Variants in FEZ2 observed in about 807,000 individuals in gnomAD.
The protein encoded by FEZ2 is fasciculation and elongation protein zeta 2.
A neutral mutation model predicts 40.4 loss-of-function variants in FEZ2; 51 were observed. The observed-to-expected ratio is 1.26, with a 90% CI of 1.01 to 1.59. The LOEUF is 1.59. FEZ2 is among the 40% of genes most tolerant of loss of function. The pLI is 0.00. For synonymous variants in FEZ2, 242 were observed against 172.0 expected (o/e 1.41, Z -3.18); for missense variants, 640 against 438.3 (o/e 1.46, Z -4.11).
chr2:36,560,848 C>G (rs920549068), intron 5 of FEZ2: 1 of 1,609,882 alleles, frequency 6.2e-7, no homozygotes, highest in African/African-American at 1.3e-5. Flanking sequence ...CATTTGAGAT[C>G]CCTTCCATGC....
At chr2:36,581,003 T>C (rs1412857114) in intron 4 of FEZ2, among the ~76,000 whole-genome samples, 1 of 151,996 alleles carries the variant, frequency 6.6e-6, no homozygotes, top group Non-Finnish European at 1.5e-5. Context: ...AATGTAAAAA[T>C]TAGCCAGGCG....
At chr2:36,573,579 C>A (rs977608885) in intron 5 of FEZ2, among the ~76,000 whole-genome samples, 1 of 152,150 alleles carries the variant, frequency 6.6e-6, no homozygotes, top group Non-Finnish European at 1.5e-5. Context: ...AAGTGATGTG[C>A]GAAGAACAAG....
chr2:36,558,559 T>G, intron 5 of FEZ2, 46 bp from the exon 6 acceptor site: 1 of 1,177,018 alleles, frequency 8.5e-7, no homozygotes, highest in Non-Finnish European at 1.2e-6. Flanking sequence ...CGGAATTACC[T>G]TATCTGCAAA....
chr2:36,590,734 G>A (rs1368558922), intron 2 of FEZ2, 169 bp downstream of exon 2: 10 of 542,140 alleles, frequency 1.8e-5, no homozygotes, highest in Non-Finnish European at 3.0e-5. Context: ...GAATGTGCCA[G>A]CAAGGTGATG....
At chr2:36,596,339 G>A (rs545010535) in intron 1 of FEZ2, among the ~76,000 whole-genome samples, 1 of 152,168 alleles carries the variant, frequency 6.6e-6, no homozygotes, top group Non-Finnish European at 1.5e-5. Context: ...CAAAGGAAAG[G>A]AGACAATCAG....
chr2:36,577,681 G>A (rs1668614689), intron 5 of FEZ2, among the ~76,000 whole-genome samples: 1 of 152,174 alleles, frequency 6.6e-6, no homozygotes, highest in Non-Finnish European at 1.5e-5. Flanking sequence ...GCTCATTGGT[G>A]GCCCACCATC....
intron 4 of FEZ2, 69 bp downstream of exon 4, chr2:36,581,221 G>A (rs1450828945): frequency 3.7e-6 from 5 of 1,351,066 alleles, no homozygotes; most frequent in Non-Finnish European, 5.2e-6. Flanking sequence ...GCTTTCTGGA[G>A]ATGATCATAC....
intron 5 of FEZ2, among the ~76,000 whole-genome samples, chr2:36,577,449 G>A (rs777134877): frequency 6.6e-6 from 1 of 152,082 alleles, no homozygotes; most frequent in Non-Finnish European, 1.5e-5. Context: ...TAGAGACGGG[G>A]TTTCTCCATG....
chr2:36,583,993 T>A (rs141154386), intron 2 of FEZ2: 1 of 152,820 alleles, frequency 6.5e-6, no homozygotes, highest in East Asian at 1.9e-4. Flanking sequence ...TCCAAAAACA[T>A]CTTTAAACCT....
At chr2:36,562,614 A>G (rs11686443) in intron 5 of FEZ2, among the ~76,000 whole-genome samples, 49,033 of 152,136 alleles carry the variant, frequency 0.32, 8,177 homozygotes, top group Middle Eastern at 0.51. Context: ...CACTGAAAGC[A>G]TAACTATTAG....
At chr2:36,559,504 A>G (rs1395722606) in intron 5 of FEZ2, among the ~76,000 whole-genome samples, 2 of 152,254 alleles carry the variant, frequency 1.3e-5, no homozygotes, top group African/African-American at 4.8e-5. Context: ...GCTTTACAGT[A>G]ACTGGATCCC....
At chr2:36,566,502 T>C (rs1668244276) in intron 5 of FEZ2, among the ~76,000 whole-genome samples, 1 of 152,010 alleles carries the variant, frequency 6.6e-6, no homozygotes, top group African/African-American at 2.4e-5. Flanking sequence ...AAAAAAAATG[T>C]CAGATACTTC....
intron 1 of FEZ2, among the ~76,000 whole-genome samples, chr2:36,597,150 C>G (rs1669251104): frequency 6.6e-6 from 1 of 152,120 alleles, no homozygotes; most frequent in African/African-American, 2.4e-5. Context: ...ACCAGGGCTC[C>G]CGGGTGGGTC....
intron 5 of FEZ2, among the ~76,000 whole-genome samples, chr2:36,569,952 A>G (rs1472924595): frequency 6.6e-6 from 1 of 152,240 alleles, no homozygotes; most frequent in East Asian, 1.9e-4. Context: ...TTCAAATGAA[A>G]GCAAAATGAA....
intron 5 of FEZ2, among the ~76,000 whole-genome samples, chr2:36,566,979 C>G (rs901986735): frequency 6.6e-6 from 1 of 152,092 alleles, no homozygotes; most frequent in Admixed American, 6.5e-5. Context: ...CTCTATAGGA[C>G]TAAATAAATG....
intron 1 of FEZ2, among the ~76,000 whole-genome samples, chr2:36,594,795 C>A (rs1375610748): frequency 6.6e-6 from 1 of 152,202 alleles, no homozygotes; most frequent in Non-Finnish European, 1.5e-5. Context: ...TTTGCTCCTT[C>A]TTAAACAAGG....
intron 5 of FEZ2, among the ~76,000 whole-genome samples, chr2:36,572,256 A>T (rs1161988465): frequency 2.6e-5 from 4 of 152,186 alleles, no homozygotes; most frequent in African/African-American, 7.2e-5. Flanking sequence ...AGAAGCTGCC[A>T]CACGTAGCTT....
intron 5 of FEZ2, among the ~76,000 whole-genome samples, chr2:36,564,562 C>G (rs1391836882): frequency 6.6e-6 from 1 of 152,136 alleles, no homozygotes; most frequent in African/African-American, 2.4e-5. Flanking sequence ...CTGCAGATAA[C>G]TAACACATGC....
At position 36,578,640 on chromosome 2, in the gene FEZ2, C is replaced by G; in HGVS notation, c.860G>C (p.Ser287Thr). 1.9e-6 allele frequency: 3 copies of G among 1,613,556 alleles called. No individual in the cohort carries two copies. Among genetic ancestry groups the G allele is most frequent in the Non-Finnish European group, 2.5e-6 (3 of 1,179,818 alleles). Reference sequence around the variant, plus strand: ...TCTCTCATTCTTCCCATTCTGAGAGCTGCCATTTTTTAGTTTCTTTTTCTT... The same window carrying G: ...TCTCTCATTCTTCCCATTCTGAGAGGTGCCATTTTTTAGTTTCTTTTTCTT... ...AKKKKKLKNG[S>T]SQNGKNERSH... Residue 287 changes from serine (S) to threonine (T), a missense_variant, in exon 5 of 8, where the codon AGC becomes ACC. Physicochemically the swap from Ser to Thr is moderately conservative, Grantham distance 58. Coordinates refer to ENST00000405912, the MANE Select transcript of FEZ2 (RefSeq NM_005102.3).
Sources: allele counts gnomAD v4.1 joint callset (sites outside exome capture counted in the v4.1 genomes callset), GRCh38; gene constraint gnomAD v4.1.1; transcripts MANE v1.5; gene names NCBI Gene and HGNC (gene_info 2026-07-23, HGNC 2026-07-21).